SPATA17: variants seen among roughly 807,000 people sequenced by gnomAD.
SPATA17 encodes the protein spermatogenesis-associated protein 17.
In SPATA17, 53 loss-of-function variants were observed where a neutral mutation model predicts 62.2. The ratio of observed to expected loss-of-function variants is 0.85; its 90% CI spans 0.68 to 1.07. SPATA17 has a LOEUF of 1.07. SPATA17 is among the 50% of genes least tolerant of loss of function. The probability of loss-of-function intolerance (pLI) is 0.00; values close to 1 mark genes in which losing one functional copy is unlikely to be tolerated. For synonymous variants in SPATA17, 146 were observed against 146.8 expected, an observed-to-expected ratio of 0.99 and a Z score of 0.04; for missense variants, 466 against 425.5, an observed-to-expected ratio of 1.10 and a Z score of -0.84.
intron 6 of SPATA17, among the ~76,000 whole-genome samples, chr1:217,744,440 GC>G (rs1672701317): frequency 2.7e-5 from 1 of 36,566 alleles, no homozygotes; most frequent in South Asian, 6.9e-4. Flanking sequence ...TCCAGCCTGG[GC>G]GACAGAGCGA....
intron 9 of SPATA17, among the ~76,000 whole-genome samples, chr1:217,847,690 A>C (rs975254797): frequency 2.6e-5 from 4 of 152,134 alleles, no homozygotes; most frequent in African/African-American, 9.7e-5. Context: ...TTAATAACAG[A>C]AGATAAACCA....
At chr1:217,706,866 T>G (rs1671748412) in intron 5 of SPATA17, among the ~76,000 whole-genome samples, 1 of 142,722 alleles carries the variant, frequency 7.0e-6, no homozygotes. Context: ...CTTTCTTTCT[T>G]TCTTTCTTTT....
chr1:217,737,720 T>C (rs1672541436), intron 5 of SPATA17: 1 of 152,416 alleles, frequency 6.6e-6, no homozygotes, highest in Non-Finnish European at 1.5e-5. Flanking sequence ...ACTTTGGGTT[T>C]GGTTCTGTAG....
chr1:217,745,461 T>C (rs957212403), intron 6 of SPATA17, among the ~76,000 whole-genome samples: 13 of 152,326 alleles, frequency 8.5e-5, no homozygotes, highest in African/African-American at 3.1e-4. Context: ...CTCTTCCTTA[T>C]ATCCCAACAG....
intron 10 of SPATA17, chr1:217,866,800 A>G (rs1374166388): frequency 6.6e-6 from 1 of 151,502 alleles, no homozygotes; most frequent in Non-Finnish European, 1.5e-5. Context: ...AGAGAGGAAG[A>G]CTTAAATAGA....
chr1:217,676,451 A>C (rs1489823387), intron 4 of SPATA17, among the ~76,000 whole-genome samples: 1 of 152,170 alleles, frequency 6.6e-6, no homozygotes, highest in Non-Finnish European at 1.5e-5. Context: ...GGAAAAGAAA[A>C]GGGACTCTAA....
At chr1:217,762,953 C>T (rs1184054798) in intron 6 of SPATA17, among the ~76,000 whole-genome samples, 1 of 151,630 alleles carries the variant, frequency 6.6e-6, no homozygotes, top group Non-Finnish European at 1.5e-5. Context: ...GACCCTGTCT[C>T]AAAAAAACCA....
intron 9 of SPATA17, among the ~76,000 whole-genome samples, chr1:217,810,231 A>T (rs1417755737): frequency 6.6e-6 from 1 of 152,188 alleles, no homozygotes; most frequent in African/African-American, 2.4e-5. Context: ...TACACAGTAA[A>T]AAGAAAAGTA....
At chr1:217,745,685 A>G (rs1326048705) in intron 6 of SPATA17, among the ~76,000 whole-genome samples, 3 of 152,092 alleles carry the variant, frequency 2.0e-5, no homozygotes, top group African/African-American at 7.2e-5. Flanking sequence ...CCTGCCATCT[A>G]ATAGTACTGT....
At chr1:217,861,688 C>T (rs1248813155) in intron 9 of SPATA17, among the ~76,000 whole-genome samples, 1 of 152,090 alleles carries the variant, frequency 6.6e-6, no homozygotes, top group Non-Finnish European at 1.5e-5. Context: ...AATTTTATTG[C>T]ATTTATGCTA....
rs1673874241 is a variant in SPATA17, at chr1:217,786,750, T to TTTCTTCCTCTTCTTCTTCTTCTTCTTC, written c.872+4434_872+4435insCTCTTCTTCTTCTTCTTCTTCTTCTTC. Among the ~76,000 whole-genome samples, 10 of 107,436 alleles carry TTTCTTCCTCTTCTTCTTCTTCTTCTTC rather than the reference T, an allele frequency of 9.3e-5. No individual in the cohort carries two copies. The South Asian group carries it at 3.7e-3, about 40-fold the overall frequency. The allele number at this position is 107,436 out of a possible 152,430, so 70.5% of individuals were successfully genotyped here. A position where few individuals can be genotyped will look rare whatever the true frequency, so the allele number is the denominator to read the frequency against. On this transcript the variant is annotated intron_variant, in intron 8 of 10. Transcript: ENST00000366933. ...AATGATAGAAGGATTTGATATTCTC[T>TTTCTTCCTCTTCTTCTTCTTCTTCTTC]TTCTTCTTCTTCTTCTTCTTCTTCT...
At chr1:217,788,571 T>C (rs745879426) in intron 8 of SPATA17, among the ~76,000 whole-genome samples, 2 of 152,102 alleles carry the variant, frequency 1.3e-5, no homozygotes, top group African/African-American at 2.4e-5. Context: ...AGAAAGAAAT[T>C]TGACTACATG....
chr1:217,856,595 TA>T (rs1675790992), intron 9 of SPATA17, among the ~76,000 whole-genome samples: 1 of 152,216 alleles, frequency 6.6e-6, no homozygotes, highest in African/African-American at 2.4e-5. Context: ...ACTCATCAGC[TA>T]AAATTTTTTT....
At chr1:217,813,693 A>AT (rs1674648619) in intron 9 of SPATA17, among the ~76,000 whole-genome samples, 1 of 151,942 alleles carries the variant, frequency 6.6e-6, no homozygotes. Flanking sequence ...TAGAGACTGA[A>AT]TTTTTTCAGT....
At chr1:217,837,654 C>T (rs1156794076) in intron 9 of SPATA17, among the ~76,000 whole-genome samples, 1 of 152,058 alleles carries the variant, frequency 6.6e-6, no homozygotes, top group Non-Finnish European at 1.5e-5. Context: ...TACTCAGTCT[C>T]AGTGGTGTGC....
At chr1:217,737,827 CTTTT>C (rs35634441) in intron 5 of SPATA17, 2 of 138,314 alleles carry the variant, frequency 1.4e-5, no homozygotes, top group African/African-American at 2.7e-5. Context: ...TGCTTGTTGT[CTTTT>C]TTTTTTTTTT....
chr1:217,718,705 A>AAAG (rs1056685967), intron 5 of SPATA17, among the ~76,000 whole-genome samples: 1 of 152,158 alleles, frequency 6.6e-6, no homozygotes, highest in African/African-American at 2.4e-5. Flanking sequence ...GAAGAAGAAG[A>AAAG]AAGAAGAAGA....
At chr1:217,641,713 A>G (rs1004138422) in intron 1 of SPATA17, among the ~76,000 whole-genome samples, 2 of 152,164 alleles carry the variant, frequency 1.3e-5, no homozygotes, top group Admixed American at 6.5e-5. Context: ...CCTGAATCAT[A>G]TGAGAGTAAG....
intron 9 of SPATA17, among the ~76,000 whole-genome samples, chr1:217,853,527 T>G (rs1021647027): frequency 6.6e-6 from 1 of 152,198 alleles, no homozygotes; most frequent in Non-Finnish European, 1.5e-5. Flanking sequence ...TGTACAAGTT[T>G]ATGCCATAGT....
Sources: gnomAD v4.1 joint callset for allele counts (sites outside exome capture counted in the v4.1 genomes callset) on GRCh38, gnomAD v4.1.1 for gene constraint, MANE v1.5 for transcripts, NCBI Gene and HGNC (gene_info 2026-07-23, HGNC 2026-07-21) for gene names.